Variants in POFUT3 observed in about 807,000 individuals in gnomAD.
The protein encoded by POFUT3 is GDP-fucose protein O-fucosyltransferase 3.
the POFUT3 span, among the ~76,000 whole-genome samples, chr8:33,363,585 G>T: frequency 3.2e-3 from 483 of 152,110 alleles, 2 homozygotes; most frequent in Admixed American, 5.2e-3. Context: ...TGATAAAGGG[G>T]ATATCACCAC....
At chr8:33,402,984 C>T in the POFUT3 span, among the ~76,000 whole-genome samples, 4 of 151,868 alleles carry the variant, frequency 2.6e-5, no homozygotes, top group Non-Finnish European at 5.9e-5. Context: ...TCACTTAAGC[C>T]CAGGAGGCAG....
At chr8:33,471,086 ATAAACT>A in the POFUT3 span, among the ~76,000 whole-genome samples, 5 of 152,214 alleles carry the variant, frequency 3.3e-5, no homozygotes, top group Non-Finnish European at 7.3e-5. Flanking sequence ...ACATTTTAAG[ATAAACT>A]TAACTTCTAA....
At chr8:33,337,066 A>G in the POFUT3 span, among the ~76,000 whole-genome samples, 3 of 152,218 alleles carry the variant, frequency 2.0e-5, no homozygotes, top group Non-Finnish European at 4.4e-5. Context: ...CCTGAACTCT[A>G]CCGCTAACCT....
At chr8:33,327,537 G>A in the POFUT3 span, among the ~76,000 whole-genome samples, 1 of 151,888 alleles carries the variant, frequency 6.6e-6, no homozygotes, top group African/African-American at 2.4e-5. Flanking sequence ...AAGATGCCAA[G>A]CTCCTCCTGT....
the POFUT3 span, among the ~76,000 whole-genome samples, chr8:33,383,307 T>C: frequency 6.6e-6 from 1 of 152,188 alleles, no homozygotes; most frequent in Non-Finnish European, 1.5e-5. Context: ...AGATCGTTGG[T>C]ACCAGGAGTG....
chr8:33,324,553 A>G, the POFUT3 span, among the ~76,000 whole-genome samples: 12,243 of 152,040 alleles, frequency 0.081, 1,657 homozygotes, highest in African/African-American at 0.28. Context: ...ATAAAACCAA[A>G]TTTGTTATCT....
the POFUT3 span, among the ~76,000 whole-genome samples, chr8:33,340,222 C>G: frequency 2.4e-4 from 36 of 151,992 alleles, 2 homozygotes; most frequent in South Asian, 6.6e-3. Context: ...CACTTAAAAA[C>G]AATCAAATAA....
the POFUT3 span, among the ~76,000 whole-genome samples, chr8:33,344,941 T>C: frequency 6.6e-6 from 1 of 152,230 alleles, no homozygotes; most frequent in East Asian, 1.9e-4. Flanking sequence ...TTTATAACTG[T>C]GACACCCTAC....
At chr8:33,390,776 G>A in the POFUT3 span, among the ~76,000 whole-genome samples, 1 of 152,076 alleles carries the variant, frequency 6.6e-6, no homozygotes. Flanking sequence ...AATAAAGAAG[G>A]CCTAACAGGA....
At chr8:33,414,564 T>C in the POFUT3 span, among the ~76,000 whole-genome samples, 74 of 150,466 alleles carry the variant, frequency 4.9e-4, no homozygotes, top group East Asian at 0.01. Flanking sequence ...CTTGTCTATA[T>C]ACATGTTAAT....
At chr8:33,433,652 C>A in the POFUT3 span, among the ~76,000 whole-genome samples, 1 of 149,668 alleles carries the variant, frequency 6.7e-6, no homozygotes, top group Non-Finnish European at 1.5e-5. Flanking sequence ...GGCTTGGTGG[C>A]AGGTACCTGT....
the POFUT3 span, among the ~76,000 whole-genome samples, chr8:33,451,355 T>C: frequency 2.0e-5 from 3 of 152,110 alleles, no homozygotes; most frequent in Non-Finnish European, 2.9e-5. Context: ...TATATGTATA[T>C]ATAAATTACA....
At chr8:33,386,759 G>A in the POFUT3 span, among the ~76,000 whole-genome samples, 5 of 152,060 alleles carry the variant, frequency 3.3e-5, no homozygotes, top group South Asian at 4.1e-4. Context: ...GCAGTGAGCC[G>A]AGATCACGCC....
At chr8:33,382,773 G>A in the POFUT3 span, among the ~76,000 whole-genome samples, 1 of 152,144 alleles carries the variant, frequency 6.6e-6, no homozygotes, top group Middle Eastern at 3.2e-3. Context: ...ATTAGACTAG[G>A]GGAGAGCAGG....
At chr8:33,385,681 A>G in the POFUT3 span, among the ~76,000 whole-genome samples, 1 of 152,134 alleles carries the variant, frequency 6.6e-6, no homozygotes, top group Non-Finnish European at 1.5e-5. Context: ...CAGGAGTTCG[A>G]GATCAGCCTG....
At chr8:33,359,897 TCAGGAGGCTGAGAC>T in the POFUT3 span, among the ~76,000 whole-genome samples, 1 of 151,670 alleles carries the variant, frequency 6.6e-6, no homozygotes, top group Non-Finnish European at 1.5e-5. Flanking sequence ...TCCCAGTTCC[TCAGGAGGCTGAGAC>T]AAGAGAATTG....
At chr8:33,375,551 G>GA in the POFUT3 span, among the ~76,000 whole-genome samples, 1 of 151,986 alleles carries the variant, frequency 6.6e-6, no homozygotes, top group South Asian at 2.1e-4. Flanking sequence ...CAGGTACATG[G>GA]AAAAATAATC....
chr8:33,366,853 C>T, the POFUT3 span, among the ~76,000 whole-genome samples: 1 of 152,144 alleles, frequency 6.6e-6, no homozygotes, highest in East Asian at 1.9e-4. Context: ...GCAAGTTCAG[C>T]TCACAACTCA....
At chr8:33,319,183 AAATATATTT>A in the POFUT3 span, among the ~76,000 whole-genome samples, 12 of 140 alleles carry the variant, frequency 0.086, no homozygotes, top group Admixed American at 0.33. Flanking sequence ...ATATTATATA[AAATATATTT>A]ATATATTTTA....
Sources: gnomAD v4.1 joint callset for allele counts (sites outside exome capture counted in the v4.1 genomes callset) on GRCh38, gnomAD v4.1.1 for gene constraint, MANE v1.5 for transcripts, NCBI Gene and HGNC (gene_info 2026-07-23, HGNC 2026-07-21) for gene names.